The following FAM184B variants were observed in gnomAD, a reference collection of about 807,000 sequenced individuals.
FAM184B encodes protein FAM184B.
In FAM184B, 111 loss-of-function variants were observed where a neutral mutation model predicts 135.9. The observed-to-expected ratio is 0.82, with a 90% CI of 0.70 to 0.96. FAM184B has a LOEUF of 0.96. FAM184B is among the 40% of genes least tolerant of loss of function. The probability of loss-of-function intolerance (pLI) is 0.00; values close to 1 mark genes in which losing one functional copy is unlikely to be tolerated. For synonymous variants in FAM184B, 552 were observed against 524.8 expected (o/e 1.05, Z -0.71); for missense variants, 1,375 against 1,323.9 (o/e 1.04, Z -0.60).
chr4:17,637,180 C>T (rs1216165246), intron 14 of FAM184B, among the ~76,000 whole-genome samples: 1 of 152,200 alleles, frequency 6.6e-6, no homozygotes, highest in Non-Finnish European at 1.5e-5. Context: ...AGGCGCGCGC[C>T]ACCGTGCCAG....
intron 1 of FAM184B, among the ~76,000 whole-genome samples, chr4:17,718,527 C>T (rs1479335883): frequency 6.6e-6 from 1 of 152,198 alleles, no homozygotes; most frequent in Non-Finnish European, 1.5e-5. Flanking sequence ...CCCTTTCTTT[C>T]CCCTTCCTTG....
chr4:17,774,652 G>A (rs1718885945), intron 1 of FAM184B, among the ~76,000 whole-genome samples: 1 of 152,104 alleles, frequency 6.6e-6, no homozygotes, highest in Non-Finnish European at 1.5e-5. Context: ...GCTCTTGAAG[G>A]GATTTGAAAA....
At chr4:17,730,569 C>T (rs185983032) in intron 1 of FAM184B, among the ~76,000 whole-genome samples, 433 of 152,220 alleles carry the variant, frequency 2.8e-3, no homozygotes, top group African/African-American at 9.2e-3. Context: ...CAGATCTCTT[C>T]GCAGAAACTC....
At chr4:17,644,280 A>C (rs895260367) in intron 12 of FAM184B, among the ~76,000 whole-genome samples, 3 of 152,146 alleles carry the variant, frequency 2.0e-5, no homozygotes, top group African/African-American at 4.8e-5. Context: ...GAGACACAAC[A>C]AAAAAAGAGA....
intron 1 of FAM184B, among the ~76,000 whole-genome samples, chr4:17,728,945 G>C (rs1040125390): frequency 6.6e-6 from 1 of 152,154 alleles, no homozygotes; most frequent in African/African-American, 2.4e-5. Context: ...GAAGCAGGGC[G>C]AGGCATTGCC....
chr4:17,645,854 C>A (rs1167970514), intron 12 of FAM184B, among the ~76,000 whole-genome samples: 1 of 152,128 alleles, frequency 6.6e-6, no homozygotes, highest in African/African-American at 2.4e-5. Context: ...TATCCAGAAT[C>A]TACAAAGAAC....
At chr4:17,749,614 C>T (rs1348075919) in intron 1 of FAM184B, among the ~76,000 whole-genome samples, 1 of 151,964 alleles carries the variant, frequency 6.6e-6, no homozygotes, top group Admixed American at 6.6e-5. Context: ...GCATTTGTTG[C>T]CATGTTACAT....
intron 6 of FAM184B, among the ~76,000 whole-genome samples, chr4:17,691,073 A>G (rs902135567): frequency 4.6e-5 from 7 of 152,164 alleles, no homozygotes; most frequent in Non-Finnish European, 8.8e-5. Context: ...GAATGTAAAC[A>G]TTCAGGTTCT....
At chr4:17,754,921 C>A (rs997655962) in intron 1 of FAM184B, among the ~76,000 whole-genome samples, 1 of 151,942 alleles carries the variant, frequency 6.6e-6, no homozygotes, top group Admixed American at 6.6e-5. Context: ...TCACCCAGGC[C>A]GCAGTGCAGT....
At chr4:17,661,279 G>A (rs1295391646) in intron 8 of FAM184B, among the ~76,000 whole-genome samples, 2 of 152,068 alleles carry the variant, frequency 1.3e-5, no homozygotes, top group African/African-American at 2.4e-5. Flanking sequence ...GGCTGGGTGC[G>A]GTGGCTCATG....
chr4:17,701,841 A>T (rs1336570351), intron 5 of FAM184B, among the ~76,000 whole-genome samples: 1 of 152,220 alleles, frequency 6.6e-6, no homozygotes, highest in Non-Finnish European at 1.5e-5. Context: ...CTCAGACACT[A>T]TGCTCAGACC....
intron 1 of FAM184B, among the ~76,000 whole-genome samples, chr4:17,754,422 A>C (rs1475015100): frequency 6.6e-6 from 1 of 151,950 alleles, no homozygotes; most frequent in South Asian, 2.1e-4. Context: ...ATGGTAGCGC[A>C]TGCCTATAAT....
At chr4:17,648,642 A>G (rs111843507) in intron 11 of FAM184B, among the ~76,000 whole-genome samples, 3,669 of 152,146 alleles carry the variant, frequency 0.024, 140 homozygotes, top group African/African-American at 0.084. Context: ...CGCGTGAGCC[A>G]CAGTACCCGG....
chr4:17,681,943 T>C (rs967495965), intron 7 of FAM184B, among the ~76,000 whole-genome samples: 2 of 152,228 alleles, frequency 1.3e-5, no homozygotes, highest in Non-Finnish European at 2.9e-5. Context: ...ATAGCAGTCA[T>C]TGTAACAGGT....
intron 5 of FAM184B, among the ~76,000 whole-genome samples, chr4:17,698,864 T>C (rs903516373): frequency 1.3e-5 from 2 of 152,118 alleles, no homozygotes; most frequent in Non-Finnish European, 2.9e-5. Flanking sequence ...AAACTAGATG[T>C]TCAACAACTT....
At chr4:17,753,159 T>C (rs2109046) in intron 1 of FAM184B, among the ~76,000 whole-genome samples, 150,474 of 152,334 alleles carry the variant, frequency 0.99, 74,347 homozygotes, top group Middle Eastern at 1. Context: ...TGCTCCACTG[T>C]ACCCCAAATG....
At chr4:17,671,814 C>T (rs1392772808) in intron 7 of FAM184B, among the ~76,000 whole-genome samples, 2 of 151,654 alleles carry the variant, frequency 1.3e-5, no homozygotes, top group African/African-American at 4.8e-5. Context: ...CAGAAGAAAT[C>T]ATGGACCTGA....
At position 17,764,863 on chromosome 4, in the gene FAM184B, G is replaced by A. The variant is rs139826525; in HGVS notation, c.141+16296C>T. On this transcript the variant is annotated intron_variant, in intron 1 of 17. Transcript: ENST00000265018. Reference sequence around the variant, plus strand: ...GAGGATCACTTGAGTCCAGGAGATCGAGACCAGGCTGGACAACATAGCAAG... The same window carrying A: ...GAGGATCACTTGAGTCCAGGAGATCAAGACCAGGCTGGACAACATAGCAAG... Among the ~76,000 whole-genome samples the A allele has an allele frequency of 6.1e-3, 926 of 152,206 alleles. 7 individuals are homozygous for A. Among genetic ancestry groups the A allele is most frequent in the Non-Finnish European group, 9.7e-3 (662 of 68,002 alleles).
intron 5 of FAM184B, among the ~76,000 whole-genome samples, chr4:17,693,649 A>C (rs1225629228): frequency 6.6e-6 from 1 of 152,220 alleles, no homozygotes; most frequent in Non-Finnish European, 1.5e-5. Context: ...TAAGTTTTCT[A>C]GTGTCAAATA....
Sources: gnomAD v4.1 joint callset for allele counts (sites outside exome capture counted in the v4.1 genomes callset) on GRCh38, gnomAD v4.1.1 for gene constraint, MANE v1.5 for transcripts, NCBI Gene and HGNC (gene_info 2026-07-23, HGNC 2026-07-21) for gene names.